ZC4H2: variants seen among roughly 807,000 people sequenced by gnomAD.
The protein encoded by ZC4H2 is zinc finger C4H2-type containing.
For missense variants in ZC4H2, 137 were observed against 173.9 expected (o/e 0.79, Z 1.19); for synonymous variants, 84 against 66.3 (o/e 1.27, Z -1.30).
At chrX:64,947,081 C>T (rs893837071) in intron 1 of ZC4H2, among the ~76,000 whole-genome samples, 3 of 111,897 alleles carry the variant, frequency 2.7e-5, no homozygotes, top group African/African-American at 9.7e-5. Context: ...TTGAGACTCT[C>T]TATGAAATAC....
At chrX:64,952,072 G>T (rs1443163996) in intron 1 of ZC4H2, among the ~76,000 whole-genome samples, 3 of 110,717 alleles carry the variant, frequency 2.7e-5, no homozygotes, top group Non-Finnish European at 5.7e-5. Flanking sequence ...TTTCCCCATT[G>T]CTTGTTTTTC....
intron 1 of ZC4H2, among the ~76,000 whole-genome samples, chrX:64,942,500 G>A (rs1355295180): frequency 1.3e-4 from 8 of 61,663 alleles, no homozygotes; most frequent in Non-Finnish European, 2.3e-4. Context: ...CCCCCCAACA[G>A]GTCCTGGTGT....
At chrX:65,025,793 A>T (rs1287933527) in intron 1 of ZC4H2, among the ~76,000 whole-genome samples, 1 of 112,232 alleles carries the variant, frequency 8.9e-6, no homozygotes, top group Non-Finnish European at 1.9e-5. Flanking sequence ...TGCAACTCTG[A>T]TTACTAAACA....
chrX:64,999,378 G>A (rs1368722039), intron 1 of ZC4H2, among the ~76,000 whole-genome samples: 2 of 112,005 alleles, frequency 1.8e-5, no homozygotes, highest in Non-Finnish European at 3.8e-5. Context: ...GCCCTGAGGG[G>A]CTGTGCCTTG....
At chrX:64,963,739 G>A (rs1010028584) in intron 1 of ZC4H2, among the ~76,000 whole-genome samples, 5 of 110,922 alleles carry the variant, frequency 4.5e-5, no homozygotes, top group African/African-American at 9.8e-5. Flanking sequence ...AATTGAAATC[G>A]GGATCTCAAA....
intron 1 of ZC4H2, among the ~76,000 whole-genome samples, chrX:64,952,461 T>A (rs1930900181): frequency 9.0e-6 from 1 of 110,631 alleles, no homozygotes; most frequent in African/African-American, 3.3e-5. Flanking sequence ...ATAAGCAACT[T>A]CAGCAAAGTC....
At chrX:64,961,179 A>G (rs1931375923) in intron 1 of ZC4H2, among the ~76,000 whole-genome samples, 1 of 111,442 alleles carries the variant, frequency 9.0e-6, no homozygotes, top group Admixed American at 9.5e-5. Flanking sequence ...TGGTGAATTG[A>G]CTGTTTTATC....
chrX:64,954,057 C>G (rs1289767225), intron 1 of ZC4H2, among the ~76,000 whole-genome samples: 2 of 107,234 alleles, frequency 1.9e-5, no homozygotes, highest in African/African-American at 6.9e-5. Context: ...TCTCAGCAAA[C>G]TATCGCAAGG....
At chrX:64,948,596 T>C (rs1292143429) in intron 1 of ZC4H2, among the ~76,000 whole-genome samples, 1 of 111,936 alleles carries the variant, frequency 8.9e-6, no homozygotes, top group African/African-American at 3.2e-5. Context: ...ACAGAAATGA[T>C]GAAAGAGTCA....
At chrX:64,978,777 G>C (rs1932025405), upstream of ZC4H2, among the ~76,000 whole-genome samples, 1 of 111,294 alleles carries the variant, frequency 9.0e-6, no homozygotes, top group African/African-American at 3.3e-5. Context: ...AACTACAATG[G>C]GGTCCCGAGT....
At chrX:64,929,261 T>C (rs1929628686) in intron 1 of ZC4H2, among the ~76,000 whole-genome samples, 1 of 111,432 alleles carries the variant, frequency 9.0e-6, no homozygotes, top group African/African-American at 3.3e-5. Flanking sequence ...TTGTAGATTC[T>C]GGGTATTAGT....
chrX:65,014,486 C>A (rs1307484265), intron 1 of ZC4H2, among the ~76,000 whole-genome samples: 3 of 111,780 alleles, frequency 2.7e-5, no homozygotes, highest in Non-Finnish European at 5.6e-5. Flanking sequence ...TTCCCTAAAA[C>A]TACTAAGTCA....
chrX:64,951,402 T>C (rs1930825989), intron 1 of ZC4H2, among the ~76,000 whole-genome samples: 1 of 111,711 alleles, frequency 9.0e-6, no homozygotes, highest in Non-Finnish European at 1.9e-5. Context: ...GTTGAACTAG[T>C]TTACAGTCCC....
chrX:64,974,430 A>C (rs1343053371), intron 1 of ZC4H2, among the ~76,000 whole-genome samples: 1 of 112,089 alleles, frequency 8.9e-6, no homozygotes, highest in African/African-American at 3.3e-5. Flanking sequence ...CAGTATTGGC[A>C]TCTGTTTATT....
At chrX:65,004,062 C>T (rs1215446332) in intron 1 of ZC4H2, among the ~76,000 whole-genome samples, 1 of 111,287 alleles carries the variant, frequency 9.0e-6, no homozygotes, top group African/African-American at 3.3e-5. Flanking sequence ...CTGAATAGAC[C>T]AATAGCAAGT....
intron 1 of ZC4H2, among the ~76,000 whole-genome samples, chrX:65,001,769 C>CA (rs1386753547): frequency 2.7e-5 from 3 of 109,491 alleles, no homozygotes; most frequent in Admixed American, 9.6e-5. Context: ...AAATTGAAAG[C>CA]AAAAAAAAGC....
intron 1 of ZC4H2, among the ~76,000 whole-genome samples, chrX:64,944,226 T>TGCCTC (rs1196309319): frequency 2.9e-5 from 3 of 105,188 alleles, no homozygotes; most frequent in Non-Finnish European, 5.8e-5. Flanking sequence ...CTGCAAGCGC[T>TGCCTC]GCCTCTCAGG....
intron 1 of ZC4H2, among the ~76,000 whole-genome samples, chrX:64,956,072 G>C (rs921887431): frequency 1.8e-5 from 2 of 112,065 alleles, no homozygotes; most frequent in African/African-American, 6.5e-5. Flanking sequence ...AGATTTTACT[G>C]TAAAGGCTAT....
chrX:64,996,721 T>G (rs1932421278), intron 1 of ZC4H2, among the ~76,000 whole-genome samples: 1 of 111,033 alleles, frequency 9.0e-6, no homozygotes, highest in African/African-American at 3.3e-5. Flanking sequence ...AGGGGTTCAG[T>G]AGAAAATTTG....
Sources: allele counts gnomAD v4.1 joint callset (sites outside exome capture counted in the v4.1 genomes callset), GRCh38; gene constraint gnomAD v4.1.1; transcripts MANE v1.5; gene names NCBI Gene and HGNC (gene_info 2026-07-23, HGNC 2026-07-21).